GAN: variants seen among roughly 807,000 people sequenced by gnomAD.
The protein encoded by GAN is gigaxonin, also known as epididymis secretory sperm binding protein.
GAN carries 48 observed loss-of-function variants against 71.3 expected under a neutral mutation model. The observed-to-expected ratio is 0.67, with a 90% CI of 0.53 to 0.86. GAN has a LOEUF of 0.86. Among genes scored for constraint, GAN ranks in the 40% least tolerant of loss-of-function variants. The pLI, the probability that GAN is intolerant of heterozygous loss-of-function variation, is 0.00. For missense variants in GAN, 928 were observed against 770.1 expected (o/e 1.21, Z -2.43); for synonymous variants, 386 against 276.8 (o/e 1.39, Z -3.92).
rs1310720807 is a variant in GAN at position 81,314,998 on chromosome 16, G to C, written c.-116G>C. ...GCACGTCCCGGGGGCTCCAGCTTCT[G>C]CTCAGAGCGCGGAGAGCCGGGCCGG... is the stretch of plus-strand genomic sequence containing the variant. On this transcript the variant is annotated 5_prime_UTR_variant, in exon 1 of 11. Transcript: ENST00000648994. 18 of 910,774 alleles carry C rather than the reference G, an allele frequency of 2.0e-5. No homozygotes were observed. Among genetic ancestry groups the C allele is most frequent in the Admixed American group, 1.3e-4 (3 of 23,324 alleles). 56.4% of individuals were successfully genotyped at this position (910,774 alleles called of 1,614,324 possible).
rs145939759 is a variant in GAN, at chr16:81,375,285, A to C, written c.1503-1934A>C. On this transcript the variant is annotated intron_variant, in intron 9 of 10. Coordinates refer to ENST00000648994, the MANE Select transcript of GAN (RefSeq NM_022041.4). ...AAGAAGAAGACAGTAAACCCAATTA[A>C]AAAAAAAATTTAGAGACAGTCTTGC... Among the ~76,000 whole-genome samples the C allele has an allele frequency of 7.4e-3, 1,091 of 146,642 alleles. 6 individuals carry two copies. The highest frequency in any genetic ancestry group is 0.024 in the South Asian group (112 of 4,760).
At chr16:81,335,385 G>A (rs1909720958) in intron 1 of GAN, among the ~76,000 whole-genome samples, 1 of 152,082 alleles carries the variant, frequency 6.6e-6, no homozygotes, top group Non-Finnish European at 1.5e-5. Flanking sequence ...TGGAGGCCGA[G>A]GCGGGCATAT....
chr16:81,356,543 T>C (rs752706780), intron 3 of GAN, among the ~76,000 whole-genome samples: 1 of 152,200 alleles, frequency 6.6e-6, no homozygotes, highest in African/African-American at 2.4e-5. Context: ...CTTGAAACTT[T>C]TACAGTGATA....
At chr16:81,337,640 C>T (rs981213465) in intron 1 of GAN, among the ~76,000 whole-genome samples, 3 of 152,228 alleles carry the variant, frequency 2.0e-5, no homozygotes, top group African/African-American at 7.2e-5. Flanking sequence ...TAATTACTTA[C>T]AAGTTGTAGA....
At chr16:81,350,755 G>A (rs191253707) in intron 1 of GAN, among the ~76,000 whole-genome samples, 2 of 152,276 alleles carry the variant, frequency 1.3e-5, no homozygotes, top group Admixed American at 1.3e-4. Flanking sequence ...CTGGCCTCAA[G>A]TGAGCTACCC....
intron 5 of GAN, among the ~76,000 whole-genome samples, chr16:81,360,191 A>G (rs1262134350): frequency 1.3e-5 from 2 of 152,032 alleles, no homozygotes; most frequent in Non-Finnish European, 2.9e-5. Flanking sequence ...CAGACTTTCC[A>G]CCTAGGATCA....
intron 1 of GAN, among the ~76,000 whole-genome samples, chr16:81,332,655 G>A (rs946264768): frequency 1.8e-4 from 28 of 152,188 alleles, no homozygotes; most frequent in African/African-American, 6.3e-4. Context: ...CACAGTGCTT[G>A]CAACTGCCAT....
At chr16:81,364,270 C>G (rs1336016698) in intron 7 of GAN, among the ~76,000 whole-genome samples, 1 of 152,112 alleles carries the variant, frequency 6.6e-6, no homozygotes, top group Non-Finnish European at 1.5e-5. Context: ...CTCTCTCTCT[C>G]TCTTTCCTTT....
chr16:81,363,416 TAAG>T lies in GAN; in HGVS notation c.1087-374_1087-372del, dbSNP rs546152103. ...GGCTGTTAGGGAAGCCAGAAATCTT[TAAG>T]AAGCATTACCGGAGAAATGGTTTTG... is the stretch of plus-strand genomic sequence containing the variant. On this transcript the variant is annotated intron_variant, in intron 6 of 10. Transcript: ENST00000648994. Among the ~76,000 whole-genome samples the T allele has an allele frequency of 1.9e-4, 29 of 152,330 alleles. No homozygotes were observed. The South Asian group carries it at 2.7e-3, about 14-fold the overall frequency.
chr16:81,333,316 C>G (rs949889879), intron 1 of GAN, among the ~76,000 whole-genome samples: 3 of 151,574 alleles, frequency 2.0e-5, no homozygotes, highest in African/African-American at 7.3e-5. Flanking sequence ...GTTGTGGGAG[C>G]AACACTTTGA....
At chr16:81,355,737 AT>A (rs1910464851) in intron 3 of GAN, among the ~76,000 whole-genome samples, 1 of 152,212 alleles carries the variant, frequency 6.6e-6, no homozygotes, top group African/African-American at 2.4e-5. Flanking sequence ...TAAGAAATAT[AT>A]TAGGTGTTAG....
chr16:81,342,444 G>A (rs1909975449), intron 1 of GAN, among the ~76,000 whole-genome samples: 1 of 152,212 alleles, frequency 6.6e-6, no homozygotes, highest in Admixed American at 6.5e-5. Flanking sequence ...TCAGACCACA[G>A]TGCAATCAAA....
intron 1 of GAN, among the ~76,000 whole-genome samples, chr16:81,349,926 C>G (rs1273124668): frequency 6.6e-6 from 1 of 152,038 alleles, no homozygotes; most frequent in Non-Finnish European, 1.5e-5. Context: ...GAGCATGTTT[C>G]AAAGCTATTT....
intron 1 of GAN, among the ~76,000 whole-genome samples, chr16:81,350,639 C>T (rs1279252652): frequency 6.6e-6 from 1 of 152,002 alleles, no homozygotes; most frequent in African/African-American, 2.4e-5. Context: ...CCTCAGCCTC[C>T]TGAGCTGCTG....
rs1406538444 is a variant in GAN at position 81,381,730 on chromosome 16, G to A, written c.*4134G>A. 1 of 152,200 alleles carries A rather than the reference G, an allele frequency of 6.6e-6. No individual in the cohort carries two copies. The highest frequency in any genetic ancestry group is 1.9e-4 in the East Asian group (1 of 5,194). 9.4% of individuals were successfully genotyped at this position (152,200 alleles called of 1,614,324 possible). On this transcript the variant is annotated 3_prime_UTR_variant, in exon 11 of 11. Transcript: ENST00000648994. Reference sequence around the variant, plus strand: ...CTCAGTGCTTGCACAGAGTAGGTAGGCAATAAACATTTGACAAATAAATAT... The same window carrying A: ...CTCAGTGCTTGCACAGAGTAGGTAGACAATAAACATTTGACAAATAAATAT...
chr16:81,335,871 G>A (rs542590234), intron 1 of GAN, among the ~76,000 whole-genome samples: 2 of 152,214 alleles, frequency 1.3e-5, no homozygotes, highest in East Asian at 3.9e-4. Flanking sequence ...AGAGAGAAAT[G>A]AATAGAGAAA....
In GAN at chr16:81,356,966, C is replaced by CT; in HGVS notation, c.816dup (p.Glu273Ter). On this transcript the variant is annotated frameshift_variant, in exon 4 of 11. Transcript: ENST00000648994. LOFTEE classifies it high-confidence loss of function. Reference sequence around the variant, plus strand: ...GCCAACTTCAAACCCCGGGGCTACTCTGAGTGCATCGTGACTGTTGGTGGA... The same window carrying CT: ...GCCAACTTCAAACCCCGGGGCTACTCTTGAGTGCATCGTGACTGTTGGTGGA... The CT allele has an allele frequency of 6.2e-7, 1 of 1,612,406 alleles. No homozygotes were observed. The highest frequency in any genetic ancestry group is 8.5e-7 in the Non-Finnish European group (1 of 1,178,878).
At chr16:81,346,457 C>A (rs1237841108) in intron 1 of GAN, among the ~76,000 whole-genome samples, 1 of 152,166 alleles carries the variant, frequency 6.6e-6, no homozygotes, top group Non-Finnish European at 1.5e-5. Context: ...AGCTTTCCTG[C>A]CTGAGCTCCG....
At chr16:81,353,119 G>T (rs1045775735) in intron 2 of GAN, among the ~76,000 whole-genome samples, 5 of 151,986 alleles carry the variant, frequency 3.3e-5, no homozygotes, top group African/African-American at 7.3e-5. Flanking sequence ...GTGAAACCCC[G>T]TCTCTACTAA....
Sources: gnomAD v4.1 joint callset for allele counts (sites outside exome capture counted in the v4.1 genomes callset) on GRCh38, gnomAD v4.1.1 for gene constraint, MANE v1.5 for transcripts, NCBI Gene and HGNC (gene_info 2026-07-23, HGNC 2026-07-21) for gene names.